The following NRXN3 variants were observed in gnomAD, a reference collection of about 807,000 sequenced individuals.
NRXN3 encodes neurexin III.
In NRXN3, 32 loss-of-function variants were observed where a neutral mutation model predicts 137.6. That is an observed-to-expected ratio of 0.23 (90% CI 0.18 to 0.31). The LOEUF (loss-of-function observed/expected upper bound fraction) is 0.31, where lower values mean the gene tolerates loss of function less well. NRXN3 is among the 10% of genes least tolerant of loss of function. The pLI, the probability that NRXN3 is intolerant of heterozygous loss-of-function variation, is 1.00. For synonymous variants in NRXN3, 798 were observed against 784.5 expected, an observed-to-expected ratio of 1.02 and a Z score of -0.29; for missense variants, 1,574 against 2,062.5, an observed-to-expected ratio of 0.76 and a Z score of 4.59.
At chr14:78,317,332 G>C (rs563325629) in intron 4 of NRXN3, among the ~76,000 whole-genome samples, 1 of 152,258 alleles carries the variant, frequency 6.6e-6, no homozygotes, top group Admixed American at 6.5e-5. Flanking sequence ...AGTGGCAGGC[G>C]AGTGAGCATT....
chr14:79,414,189 T>G (rs2095463238), intron 15 of NRXN3, among the ~76,000 whole-genome samples: 1 of 152,046 alleles, frequency 6.6e-6, no homozygotes, highest in Non-Finnish European at 1.5e-5. Flanking sequence ...AGAGGATTGA[T>G]GTTTGAGTAA....
chr14:78,778,808 CT>C, intron 8 of NRXN3, among the ~76,000 whole-genome samples: 1 of 94,548 alleles, frequency 1.1e-5, no homozygotes, highest in Admixed American at 1.1e-4. Flanking sequence ...TTCTTTCTTT[CT>C]TTCTTTCTTT....
chr14:79,786,759 T>C (rs1176829446), intron 19 of NRXN3, among the ~76,000 whole-genome samples: 1 of 152,236 alleles, frequency 6.6e-6, no homozygotes, highest in Non-Finnish European at 1.5e-5. Context: ...AAGAACAGTC[T>C]AGTGCATTAA....
At chr14:79,203,597 G>A (rs2066379855) in intron 15 of NRXN3, among the ~76,000 whole-genome samples, 1 of 151,970 alleles carries the variant, frequency 6.6e-6, no homozygotes, top group Non-Finnish European at 1.5e-5. Flanking sequence ...TTTTTCTCTG[G>A]GATCTAATAA....
intron 4 of NRXN3, among the ~76,000 whole-genome samples, chr14:78,630,467 G>A (rs2097508605): frequency 6.6e-6 from 1 of 152,122 alleles, no homozygotes; most frequent in Non-Finnish European, 1.5e-5. Flanking sequence ...TTATCACTAT[G>A]TTCCCAGTGC....
chr14:78,620,930 G>C lies in NRXN3; in HGVS notation c.758-24190G>C, dbSNP rs374179287. Among the ~76,000 whole-genome samples, 11 of 152,314 alleles carry C rather than the reference G, an allele frequency of 7.2e-5. No homozygotes were observed. In the South Asian group the frequency reaches 2.3e-3, roughly 32 times the overall value. On this transcript the variant is annotated intron_variant, in intron 4 of 20. Coordinates refer to ENST00000335750, the MANE Select transcript of NRXN3 (RefSeq NM_001330195.2). ...ACCCAGGAAGGACCAAACAAGTTAAGAGTCTCCAGAATTTGAGAGGAGGAA... is the reference window on the plus strand; with the variant it reads ...ACCCAGGAAGGACCAAACAAGTTAACAGTCTCCAGAATTTGAGAGGAGGAA...
chr14:78,446,281 G>C (rs1170996777), intron 4 of NRXN3, among the ~76,000 whole-genome samples: 2 of 152,066 alleles, frequency 1.3e-5, no homozygotes, highest in Non-Finnish European at 2.9e-5. Flanking sequence ...CTTGGTACCA[G>C]GTCAATGAGT....
chr14:78,807,545 G>C (rs751564131), intron 9 of NRXN3, among the ~76,000 whole-genome samples: 1 of 151,958 alleles, frequency 6.6e-6, no homozygotes, highest in Non-Finnish European at 1.5e-5. Context: ...AGACCAGCCT[G>C]GCCAACATGG....
At chr14:78,228,569 A>G (rs1264107795) in intron 1 of NRXN3, among the ~76,000 whole-genome samples, 3 of 152,174 alleles carry the variant, frequency 2.0e-5, no homozygotes, top group Admixed American at 2.0e-4. Context: ...CTGGGAGCCT[A>G]TTGCATTTTA....
At chr14:79,758,275 AG>A (rs2139324522) in intron 19 of NRXN3, among the ~76,000 whole-genome samples, 1 of 152,316 alleles carries the variant, frequency 6.6e-6, no homozygotes, top group South Asian at 2.1e-4. Context: ...GAGGTTTATT[AG>A]GGCTCATAGT....
chr14:79,078,250 G>C (rs1380213847), intron 15 of NRXN3, among the ~76,000 whole-genome samples: 1 of 152,100 alleles, frequency 6.6e-6, no homozygotes, highest in Non-Finnish European at 1.5e-5. Flanking sequence ...GACCATTCAA[G>C]ATACTTTGGT....
chr14:79,434,071 T>G (rs1246720740), intron 15 of NRXN3, among the ~76,000 whole-genome samples: 1 of 152,204 alleles, frequency 6.6e-6, no homozygotes, highest in Non-Finnish European at 1.5e-5. Context: ...TGCTAGAGGT[T>G]AAGCAACACT....
chr14:78,900,108 C>T (rs1182543721), intron 10 of NRXN3, among the ~76,000 whole-genome samples: 1 of 152,050 alleles, frequency 6.6e-6, no homozygotes, highest in Non-Finnish European at 1.5e-5. Flanking sequence ...CTGACACTAA[C>T]ATTTTTGAAC....
intron 20 of NRXN3, among the ~76,000 whole-genome samples, chr14:79,826,988 A>G (rs1029805676): frequency 6.6e-6 from 1 of 152,156 alleles, no homozygotes; most frequent in African/African-American, 2.4e-5. Flanking sequence ...CATTCCTTAG[A>G]GAGCACGGAT....
intron 15 of NRXN3, among the ~76,000 whole-genome samples, chr14:79,075,215 G>T (rs1284348635): frequency 6.6e-6 from 1 of 152,050 alleles, no homozygotes; most frequent in East Asian, 1.9e-4. Flanking sequence ...TTGACCACTA[G>T]ATTTTTACAG....
At chr14:78,381,274 G>T (rs1239358340) in intron 4 of NRXN3, among the ~76,000 whole-genome samples, 2 of 152,136 alleles carry the variant, frequency 1.3e-5, no homozygotes, top group African/African-American at 2.4e-5. Flanking sequence ...TAATTCCTAA[G>T]GGGGAAATTA....
chr14:79,809,646 T>TA (rs1249446182), intron 20 of NRXN3, among the ~76,000 whole-genome samples: 1 of 152,212 alleles, frequency 6.6e-6, no homozygotes, highest in African/African-American at 2.4e-5. Flanking sequence ...TCTGAATAGC[T>TA]ATCTAGAGGC....
intron 6 of NRXN3, among the ~76,000 whole-genome samples, chr14:78,688,803 A>G (rs887060035): frequency 6.6e-6 from 1 of 152,166 alleles, no homozygotes; most frequent in Non-Finnish European, 1.5e-5. Context: ...CCCTCTTCAT[A>G]GAGAAAAGAG....
intron 15 of NRXN3, among the ~76,000 whole-genome samples, chr14:79,213,984 A>G (rs945694666): frequency 6.6e-6 from 1 of 152,260 alleles, no homozygotes; most frequent in Non-Finnish European, 1.5e-5. Flanking sequence ...AATTCATTTC[A>G]TGAAAAAATG....
Sources: gnomAD v4.1 joint callset for allele counts (sites outside exome capture counted in the v4.1 genomes callset) on GRCh38, gnomAD v4.1.1 for gene constraint, MANE v1.5 for transcripts, NCBI Gene and HGNC (gene_info 2026-07-23, HGNC 2026-07-21) for gene names.